Variants in MGAT5 observed in about 807,000 individuals in gnomAD.
The protein encoded by MGAT5 is alpha-1,6-mannosylglycoprotein 6-beta-N-acetylglucosaminyltransferase A.
In MGAT5, 30 loss-of-function variants were observed where a neutral mutation model predicts 94.3. The observed-to-expected ratio is 0.32, with a 90% CI of 0.24 to 0.43. The LOEUF is 0.43. Among genes scored for constraint, MGAT5 ranks in the 20% least tolerant of loss-of-function variants. MGAT5 has a pLI of 1.00. For missense variants in MGAT5, 691 were observed against 905.5 expected (o/e 0.76, Z 3.04); for synonymous variants, 310 against 322.9 (o/e 0.96, Z 0.43).
At chr2:134,437,977 T>C (rs1452153279) in intron 14 of MGAT5, among the ~76,000 whole-genome samples, 2 of 146,646 alleles carry the variant, frequency 1.4e-5, no homozygotes, top group African/African-American at 2.6e-5. Flanking sequence ...ATCATGCCAC[T>C]GCACTCCTGC....
chr2:134,278,101 A>T (rs920596747), intron 2 of MGAT5, among the ~76,000 whole-genome samples: 2 of 152,164 alleles, frequency 1.3e-5, no homozygotes, highest in Non-Finnish European at 2.9e-5. Context: ...CAGGTATTGG[A>T]TACTGTCAGA....
intron 15 of MGAT5, among the ~76,000 whole-genome samples, chr2:134,443,362 T>C (rs1685593442): frequency 6.6e-6 from 1 of 152,154 alleles, no homozygotes; most frequent in African/African-American, 2.4e-5. Flanking sequence ...CAGCTAACTT[T>C]TGTATTTTTA....
chr2:134,130,992 A>G (rs534220488), intron 1 of MGAT5, among the ~76,000 whole-genome samples: 1 of 152,366 alleles, frequency 6.6e-6, no homozygotes, highest in Admixed American at 6.5e-5. Context: ...AGGCTGCCTG[A>G]GCTGGCACTG....
chr2:134,237,146 T>TGTGCGC (rs1559003461), intron 1 of MGAT5, among the ~76,000 whole-genome samples: 3 of 122,952 alleles, frequency 2.4e-5, no homozygotes, highest in Non-Finnish European at 3.8e-5. Flanking sequence ...TGTGTGTGTG[T>TGTGCGC]GTGCGCGTGT....
chr2:134,405,502 G>A (rs921451631), intron 11 of MGAT5, among the ~76,000 whole-genome samples: 1 of 152,216 alleles, frequency 6.6e-6, no homozygotes. Flanking sequence ...ATAATGACAT[G>A]AAAGACCAGT....
chr2:134,222,674 T>G (rs761327146), intron 1 of MGAT5, among the ~76,000 whole-genome samples: 21 of 152,262 alleles, frequency 1.4e-4, no homozygotes, highest in Non-Finnish European at 2.6e-4. Flanking sequence ...GAAAAGCTTT[T>G]GTCACAGGAG....
At chr2:134,221,512 T>G (rs550170800) in intron 1 of MGAT5, among the ~76,000 whole-genome samples, 2 of 152,170 alleles carry the variant, frequency 1.3e-5, no homozygotes, top group South Asian at 4.1e-4. Context: ...TTATCTGACC[T>G]AAAAGGATGC....
chr2:134,175,478 C>T (rs980833762), intron 1 of MGAT5, among the ~76,000 whole-genome samples: 1 of 152,186 alleles, frequency 6.6e-6, no homozygotes, highest in Non-Finnish European at 1.5e-5. Flanking sequence ...GTTGGCACTA[C>T]CTGGATCCAC....
chr2:134,157,879 G>A (rs888036539), intron 1 of MGAT5, among the ~76,000 whole-genome samples: 5 of 152,158 alleles, frequency 3.3e-5, no homozygotes, highest in African/African-American at 1.2e-4. Flanking sequence ...TTGAGCAGCA[G>A]TACAGTTCTC....
At chr2:134,241,490 A>T (rs556824576) in intron 1 of MGAT5, among the ~76,000 whole-genome samples, 1 of 152,354 alleles carries the variant, frequency 6.6e-6, no homozygotes, top group African/African-American at 2.4e-5. Flanking sequence ...AATATGTACT[A>T]ACAAGTATAT....
chr2:134,159,361 G>A (rs912511385), intron 1 of MGAT5, among the ~76,000 whole-genome samples: 8 of 152,064 alleles, frequency 5.3e-5, no homozygotes, highest in Non-Finnish European at 1.0e-4. Flanking sequence ...ATCTCTGGAG[G>A]AGAGAATGTT....
At chr2:134,181,143 A>G (rs1039053361) in intron 1 of MGAT5, among the ~76,000 whole-genome samples, 2 of 152,038 alleles carry the variant, frequency 1.3e-5, no homozygotes, top group Non-Finnish European at 2.9e-5. Flanking sequence ...TCTAACAGTG[A>G]CTCTCAACCA....
intron 1 of MGAT5, among the ~76,000 whole-genome samples, chr2:134,196,982 C>T (rs1270929031): frequency 6.6e-6 from 1 of 152,178 alleles, no homozygotes; most frequent in East Asian, 1.9e-4. Flanking sequence ...GAATTTTCAA[C>T]TACTTTAAAA....
chr2:134,242,468 G>A (rs557970431), intron 1 of MGAT5, among the ~76,000 whole-genome samples: 10 of 152,182 alleles, frequency 6.6e-5, no homozygotes, highest in East Asian at 3.9e-4. Flanking sequence ...AGTTCTGTAC[G>A]TGTTATGAAA....
chr2:134,139,153 AG>A (rs1208730145), intron 1 of MGAT5, among the ~76,000 whole-genome samples: 1 of 152,228 alleles, frequency 6.6e-6, no homozygotes, highest in Non-Finnish European at 1.5e-5. Flanking sequence ...AAACATGGAA[AG>A]GGTTTTGTTG....
intron 2 of MGAT5, among the ~76,000 whole-genome samples, chr2:134,288,512 C>T (rs1201936013): frequency 6.7e-6 from 1 of 148,390 alleles, no homozygotes; most frequent in East Asian, 2.0e-4. Context: ...CCATCTAGCT[C>T]TTTAAAAAAA....
At chr2:134,266,938 A>T (rs908423452) in intron 1 of MGAT5, among the ~76,000 whole-genome samples, 1 of 152,178 alleles carries the variant, frequency 6.6e-6, no homozygotes, top group Non-Finnish European at 1.5e-5. Context: ...ATTTTAAGGG[A>T]GAAGATAAAG....
At chr2:134,223,676 C>CT (rs1000247795) in intron 1 of MGAT5, among the ~76,000 whole-genome samples, 11 of 151,850 alleles carry the variant, frequency 7.2e-5, no homozygotes, top group Admixed American at 2.6e-4. Flanking sequence ...TTTAAGCTAC[C>CT]TTTTTTTATT....
At chr2:134,389,981 T>C (rs946353577) in intron 10 of MGAT5, among the ~76,000 whole-genome samples, 1 of 152,206 alleles carries the variant, frequency 6.6e-6, no homozygotes, top group Non-Finnish European at 1.5e-5. Flanking sequence ...GTTTCATCAC[T>C]TTTTCCCAAT....
Sources: allele counts gnomAD v4.1 joint callset (sites outside exome capture counted in the v4.1 genomes callset), GRCh38; gene constraint gnomAD v4.1.1; transcripts MANE v1.5; gene names NCBI Gene and HGNC (gene_info 2026-07-23, HGNC 2026-07-21).